FGF14: variants seen among roughly 807,000 people sequenced by gnomAD.
The protein encoded by FGF14 is fibroblast growth factor 14.
In FGF14, 5 loss-of-function variants were observed where a neutral mutation model predicts 25.5. The ratio of observed to expected loss-of-function variants is 0.20; its 90% CI spans 0.10 to 0.41. FGF14 has a LOEUF of 0.41. Among genes scored for constraint, FGF14 ranks in the 10% least tolerant of loss-of-function variants. The pLI is 1.00. For missense variants in FGF14, 222 were observed against 320.1 expected, an observed-to-expected ratio of 0.69 and a Z score of 2.34; for synonymous variants, 138 against 118.3, an observed-to-expected ratio of 1.17 and a Z score of -1.08.
At chr13:101,793,742 A>G (rs546373422) in intron 3 of FGF14, among the ~76,000 whole-genome samples, 2 of 152,138 alleles carry the variant, frequency 1.3e-5, no homozygotes, top group South Asian at 2.1e-4. Context: ...ATCACTTCCT[A>G]CACCCAAACT....
intron 3 of FGF14, among the ~76,000 whole-genome samples, chr13:101,731,595 G>A (rs936247073): frequency 3.3e-5 from 5 of 152,170 alleles, no homozygotes; most frequent in Non-Finnish European, 7.4e-5. Flanking sequence ...TGAGGGAAAT[G>A]CCTTTGTTTA....
At chr13:102,210,566 G>T (rs1179865952) in intron 1 of FGF14, among the ~76,000 whole-genome samples, 1 of 152,106 alleles carries the variant, frequency 6.6e-6, no homozygotes, top group Admixed American at 6.5e-5. Flanking sequence ...TAGTGCAAAA[G>T]CAAAACAGCT....
Position 101,833,973 on chromosome 13 carries a change from C to A in FGF14, c.408+34752G>T, listed in dbSNP as rs539773702. 3.6e-4 allele frequency among the ~76,000 whole-genome samples: 55 copies of A among 152,178 alleles called. 1 individual carries two copies. The highest frequency in any genetic ancestry group is 3.3e-3 in the Admixed American group (50 of 15,266). On this transcript the variant is annotated intron_variant, in intron 3 of 4. Coordinates refer to ENST00000376143, the MANE Select transcript of FGF14 (RefSeq NM_004115.4). ...CATTCTACACAAACAAGATCATAAT[C>A]CTAATTCATATCTAGTGCTATTCAC...
At chr13:102,129,289 C>T (rs2046084976) in intron 1 of FGF14, among the ~76,000 whole-genome samples, 1 of 151,848 alleles carries the variant, frequency 6.6e-6, no homozygotes. Context: ...TAAAACTTCC[C>T]TTTAAGGATT....
intron 1 of FGF14, among the ~76,000 whole-genome samples, chr13:101,900,567 A>G (rs554004735): frequency 2.0e-5 from 3 of 152,330 alleles, no homozygotes; most frequent in East Asian, 3.9e-4. Flanking sequence ...AAAAGAAGCC[A>G]GACACAATAA....
At chr13:102,057,729 G>A (rs2042498498) in intron 1 of FGF14, among the ~76,000 whole-genome samples, 1 of 152,038 alleles carries the variant, frequency 6.6e-6, no homozygotes, top group Non-Finnish European at 1.5e-5. Context: ...ATTCAGTGCT[G>A]ACTGAAAAAT....
At chr13:101,846,211 A>T (rs2043450860) in intron 3 of FGF14, among the ~76,000 whole-genome samples, 1 of 152,016 alleles carries the variant, frequency 6.6e-6, no homozygotes, top group African/African-American at 2.4e-5. Flanking sequence ...AAAGGAAAAG[A>T]AAACATGTTT....
chr13:101,774,199 T>C (rs923051234), intron 3 of FGF14, among the ~76,000 whole-genome samples: 1 of 152,094 alleles, frequency 6.6e-6, no homozygotes, highest in Non-Finnish European at 1.5e-5. Flanking sequence ...TCTCCAAATA[T>C]TTGAAGAACT....
In FGF14 at chr13:101,841,720, G is replaced by A. The variant is rs115347705; in HGVS notation, c.408+27005C>T. Among the ~76,000 whole-genome samples, 226 of 151,962 alleles carry A rather than the reference G, an allele frequency of 1.5e-3. 1 individual carries two copies. Among genetic ancestry groups the A allele is most frequent in the African/African-American group, 4.9e-3 (205 of 41,502 alleles). On this transcript the variant is annotated intron_variant, in intron 3 of 4. Coordinates refer to ENST00000376143, the MANE Select transcript of FGF14 (RefSeq NM_004115.4). ...CTTGGTGGCCAGGTTCCTAGGACTCGTCTTTCTGTAGGACACACAAACTGT... is the reference window on the plus strand; with the variant it reads ...CTTGGTGGCCAGGTTCCTAGGACTCATCTTTCTGTAGGACACACAAACTGT...
chr13:102,117,563 CA>C (rs5806269), intron 1 of FGF14, among the ~76,000 whole-genome samples: 80,606 of 151,906 alleles, frequency 0.53, 22,758 homozygotes, highest in East Asian at 0.75. Flanking sequence ...CTATAAGGCA[CA>C]AGGAGGCATT....
chr13:102,334,485 A>G (rs528389445), intron 1 of FGF14, among the ~76,000 whole-genome samples: 58 of 152,184 alleles, frequency 3.8e-4, no homozygotes, highest in African/African-American at 1.4e-3. Context: ...GATGATGGCC[A>G]CTCTTCAGAA....
chr13:102,152,166 T>A (rs2047115894), intron 1 of FGF14, among the ~76,000 whole-genome samples: 1 of 152,170 alleles, frequency 6.6e-6, no homozygotes, highest in Non-Finnish European at 1.5e-5. Flanking sequence ...GTTTTCTTTA[T>A]CAAGGCTAAT....
At chr13:101,724,279 AATG>A (rs2035210148) in intron 4 of FGF14, among the ~76,000 whole-genome samples, 1 of 152,016 alleles carries the variant, frequency 6.6e-6, no homozygotes, top group Admixed American at 6.6e-5. Context: ...AGCCATAAAA[AATG>A]ATGAGTTCAT....
chr13:102,345,300 A>G (rs1305407725), intron 1 of FGF14, among the ~76,000 whole-genome samples: 2 of 152,236 alleles, frequency 1.3e-5, no homozygotes, highest in Non-Finnish European at 2.9e-5. Flanking sequence ...TAGCAAGCAC[A>G]TACATCTTAC....
chr13:101,957,664 G>A (rs556535886), intron 1 of FGF14, among the ~76,000 whole-genome samples: 71 of 152,256 alleles, frequency 4.7e-4, no homozygotes, highest in African/African-American at 1.6e-3. Flanking sequence ...GGCCTATTAT[G>A]ATTAGAGCTC....
chr13:102,300,971 C>A lies in FGF14; in HGVS notation c.208+100500G>T, dbSNP rs542732080. 3.7e-3 allele frequency among the ~76,000 whole-genome samples: 535 copies of A among 144,702 alleles called. 2 individuals are homozygous for A. Among genetic ancestry groups the A allele is most frequent in the Non-Finnish European group, 6.2e-3 (401 of 65,056 alleles). 94.9% of individuals were successfully genotyped at this position (144,702 alleles called of 152,430 possible). On this transcript the variant is annotated intron_variant, in intron 1 of 4. Transcript: ENST00000376131. The stretch of plus-strand genomic sequence containing the variant: ...CACACACACACACACACACGTTTAA[C>A]CTTAACAACATTTCAAATTGATAAT...
At chr13:102,171,118 T>A (rs1044456652) in intron 1 of FGF14, among the ~76,000 whole-genome samples, 1 of 152,150 alleles carries the variant, frequency 6.6e-6, no homozygotes, top group African/African-American at 2.4e-5. Flanking sequence ...TATAAACATA[T>A]AATATTTGAG....
At chr13:102,019,720 T>C (rs2040533943) in intron 1 of FGF14, among the ~76,000 whole-genome samples, 2 of 152,280 alleles carry the variant, frequency 1.3e-5, no homozygotes, top group East Asian at 3.9e-4. Flanking sequence ...TGTAATTAAA[T>C]TCTCTTCATG....
At chr13:102,187,810 C>A (rs189999665) in intron 1 of FGF14, among the ~76,000 whole-genome samples, 4 of 152,284 alleles carry the variant, frequency 2.6e-5, no homozygotes, top group Non-Finnish European at 4.4e-5. Context: ...AGACTAGGCC[C>A]TTTTCCGCTA....
Sources: allele counts gnomAD v4.1 joint callset (sites outside exome capture counted in the v4.1 genomes callset), GRCh38; gene constraint gnomAD v4.1.1; transcripts MANE v1.5; gene names NCBI Gene and HGNC (gene_info 2026-07-23, HGNC 2026-07-21).